The following LRRC32 variants were observed in gnomAD, a reference collection of about 807,000 sequenced individuals.
LRRC32 encodes the protein transforming growth factor beta activator LRRC32.
In LRRC32, 5 loss-of-function variants were observed where a neutral mutation model predicts 15.0. That is an observed-to-expected ratio of 0.33 (90% CI 0.17 to 0.70). The LOEUF is 0.70. Among genes scored for constraint, LRRC32 ranks in the 30% least tolerant of loss-of-function variants. The probability of loss-of-function intolerance (pLI) is 0.66; values close to 1 mark genes in which losing one functional copy is unlikely to be tolerated. For synonymous variants in LRRC32, 391 were observed against 403.9 expected (o/e 0.97, Z 0.38); for missense variants, 803 against 854.2 (o/e 0.94, Z 0.75).
chr11:76,665,043 C>T (rs980237276), intron 2 of LRRC32, among the ~76,000 whole-genome samples: 1 of 152,240 alleles, frequency 6.6e-6, no homozygotes, highest in Admixed American at 6.5e-5. Flanking sequence ...CTTTCCCCAG[C>T]CAGGCTCTGG....
Position 76,661,151 on chromosome 11 carries a change from C to A in LRRC32, c.442G>T (p.Ala148Ser). ...AGTGAGAGGGTATGCAGGCTGGGTG[C>A]CTCCCCCAGCAGCCGCTCCAGCAGG... ...SGLLERLLGE[A>S]PSLHTLSLAE... Residue 148 changes from alanine (A) to serine (S), a missense_variant, in exon 3 of 3, where the codon GCA (alanine) becomes TCA (serine). Physicochemically the swap from Ala to Ser is moderately conservative, Grantham distance 99. Transcript: ENST00000260061. 6.2e-7 allele frequency: 1 copy of A among 1,613,476 alleles called. No homozygotes were observed. The highest frequency in any genetic ancestry group is 1.1e-5 in the South Asian group (1 of 91,070).
Position 76,660,880 on chromosome 11 carries a change from T to C in LRRC32, c.713A>G (p.Gln238Arg). Reference sequence around the variant, plus strand: ...GGTGAGCTGGAACTCAGCCTGGGGCTGGGAGGCCGTCTGAAAGGCCTCGAT... The same window carrying C: ...GGTGAGCTGGAACTCAGCCTGGGGCCGGGAGGCCGTCTGAAAGGCCTCGAT... ...NSIEAFQTAS[Q>R]PQAEFQLTWL... Residue 238 changes from glutamine (Q) to arginine (R), a missense_variant, in exon 3 of 3, where the codon CAG (glutamine) becomes CGG (arginine). Coordinates refer to ENST00000260061, the MANE Select transcript of LRRC32 (RefSeq NM_001128922.2). The C allele has an allele frequency of 6.2e-7, 1 of 1,614,180 alleles. No individual in the cohort carries two copies. The highest frequency in any genetic ancestry group is 8.5e-7 in the Non-Finnish European group (1 of 1,180,024).
chr11:76,667,364 C>T (rs912303944), intron 1 of LRRC32, among the ~76,000 whole-genome samples: 2 of 152,222 alleles, frequency 1.3e-5, no homozygotes, highest in Non-Finnish European at 2.9e-5. Flanking sequence ...ACAGTGGGTG[C>T]TCCCTCAGTG....
At position 76,658,087 on chromosome 11, in the gene LRRC32, A is replaced by T. The variant is rs1952444155; in HGVS notation, c.*1517T>A. On this transcript the variant is annotated 3_prime_UTR_variant, in exon 3 of 3. Transcript: ENST00000260061. ...CTTGCATGATGAGGCACAGAAAGGA[A>T]GTTTGGAGCCAGCATTATCTTGTGA... 1 of 152,312 alleles carries T rather than the reference A, an allele frequency of 6.6e-6. No homozygotes were observed. Among genetic ancestry groups the T allele is most frequent in the African/African-American group, 2.4e-5 (1 of 41,434 alleles). The allele number at this position is 152,312 out of a possible 1,614,324, so 9.4% of individuals were successfully genotyped here.
chr11:76,667,533 C>A (rs573396938), intron 1 of LRRC32, among the ~76,000 whole-genome samples: 1 of 152,248 alleles, frequency 6.6e-6, no homozygotes, highest in South Asian at 2.1e-4. Context: ...AGACCACAGC[C>A]GGACCCGGTA....
In LRRC32 at chr11:76,657,854, A is replaced by G. The variant is rs1952440196; in HGVS notation, c.*1750T>C. ...TGTAAAATGGGGTGGAGAGAGTGGC[A>G]TTTTCACTTTCTCGCACATTACTGA... is the stretch of plus-strand genomic sequence containing the variant. On this transcript the variant is annotated 3_prime_UTR_variant, in exon 3 of 3. Coordinates refer to ENST00000260061, the MANE Select transcript of LRRC32 (RefSeq NM_001128922.2). 1 of 152,304 alleles carries G rather than the reference A, an allele frequency of 6.6e-6. No homozygotes were observed. The allele number at this position is 152,304 out of a possible 1,614,324, so 9.4% of individuals were successfully genotyped here.
At position 76,659,292 on chromosome 11, in the gene LRRC32, C is replaced by A. The variant is rs189419048; in HGVS notation, c.*312G>T. 6.9e-4 allele frequency: 215 copies of A among 310,634 alleles called. No individual in the cohort carries two copies. The highest frequency in any genetic ancestry group is 2.5e-3 in the African/African-American group (118 of 47,106). The allele number at this position is 310,634 out of a possible 1,614,324, so 19.2% of individuals were successfully genotyped here. A position where few individuals can be genotyped will look rare whatever the true frequency, so the allele number is the denominator to read the frequency against. On this transcript the variant is annotated 3_prime_UTR_variant, in exon 3 of 3. Coordinates refer to ENST00000260061, the MANE Select transcript of LRRC32 (RefSeq NM_001128922.2). ...GAGGGCGGGAATGTATCTCATTTCC[C>A]AGCATTCCCAGTGCCCAGAGCAGGG...
rs3781699 is a variant in LRRC32 at position 76,658,741 on chromosome 11, T to G, written c.*863A>C. 0.33 allele frequency: 51,140 copies of G among 152,706 alleles called. 8,697 individuals are homozygous for G. The highest frequency in any genetic ancestry group is 0.36 in the Admixed American group (5,439 of 15,288). 9.5% of individuals were successfully genotyped at this position (152,706 alleles called of 1,614,324 possible). On this transcript the variant is annotated 3_prime_UTR_variant, in exon 3 of 3. Coordinates refer to ENST00000260061, the MANE Select transcript of LRRC32 (RefSeq NM_001128922.2). ...GCTGGGTGCAAAACAGAACCAGATA[T>G]CTAAGGTTTTAGCTCCTGGCTCAGC... is the stretch of plus-strand genomic sequence containing the variant.
chr11:76,668,042 AC>A (rs1458791391), intron 1 of LRRC32, among the ~76,000 whole-genome samples: 1 of 149,214 alleles, frequency 6.7e-6, no homozygotes, highest in Non-Finnish European at 1.5e-5. Context: ...ACTGGGCCCC[AC>A]CCCCTCCCAT....
intron 1 of LRRC32, among the ~76,000 whole-genome samples, chr11:76,668,082 A>G (rs61893519): frequency 0.045 from 6,849 of 150,970 alleles, 177 homozygotes; most frequent in Non-Finnish European, 0.055. Flanking sequence ...GGGGCTCACC[A>G]TCCTTTAAGA....
chr11:76,664,347 C>T (rs1016030761), intron 2 of LRRC32, among the ~76,000 whole-genome samples: 6 of 152,250 alleles, frequency 3.9e-5, no homozygotes, highest in Non-Finnish European at 8.8e-5. Context: ...AGCTCCACTT[C>T]CAGGGTCTTC....
chr11:76,660,956 A>G lies in LRRC32; in HGVS notation c.637T>C (p.Ser213Pro). 1 of 1,614,124 alleles carries G rather than the reference A, an allele frequency of 6.2e-7. No homozygotes were observed. Among genetic ancestry groups the G allele is most frequent in the Non-Finnish European group, 8.5e-7 (1 of 1,180,010 alleles). The change falls in exon 3 of 3, where the codon TCC (serine) becomes CCC (proline). Residue 213 changes from serine (S) to proline (P), a missense_variant. Coordinates refer to ENST00000260061, the MANE Select transcript of LRRC32 (RefSeq NM_001128922.2). ...NLSRNSLTCI[S>P]DFSLQQLRVL... ...CGCAGCTGCTGGAGGCTGAAGTCGG[A>G]GATGCAGGTGAGGGAATTCCTGGAG... is the stretch of plus-strand genomic sequence containing the variant.
Position 76,661,487 on chromosome 11 carries a change from G to A in LRRC32, c.106C>T (p.Gln36Ter). 1 of 1,608,676 alleles carries A rather than the reference G, an allele frequency of 6.2e-7. No homozygotes were observed. Among genetic ancestry groups the A allele is most frequent in the African/African-American group, 1.3e-5 (1 of 74,990 alleles). Reference protein sequence around the residue: ...CKMVDKKVSCQVLGLLQVPSV... With the variant: ...CKMVDKKVSC ...GGGACCTGGAGCAGGCCCAGAACCT[G>A]GCACGAGACCTTCTTGTCCACCTGG... Residue 36 changes from glutamine to a stop codon, truncating the protein, a stop_gained, in exon 3 of 3, where the codon CAG becomes TAG. Coordinates refer to ENST00000260061, the MANE Select transcript of LRRC32 (RefSeq NM_001128922.2). LOFTEE classifies it low-confidence loss of function (END_TRUNC).
At position 76,660,230 on chromosome 11, in the gene LRRC32, T is replaced by C. The variant is rs769587279; in HGVS notation, c.1363A>G (p.Ile455Val). 3.8e-6 allele frequency: 6 copies of C among 1,575,396 alleles called. No homozygotes were observed. Among genetic ancestry groups the C allele is most frequent in the African/African-American group, 1.4e-5 (1 of 73,438 alleles). ...AAGGCCCCTGCCCTGAGCAGCTCTA[T>C]CTCATTATCCACCAGGCTCAGGCTG... ...LRSLSLVDNE[I>V]ELLRAGAFLH... The change falls in exon 3 of 3, where the codon ATA becomes GTA. Residue 455 changes from isoleucine to valine, a missense_variant. Coordinates refer to ENST00000260061, the MANE Select transcript of LRRC32 (RefSeq NM_001128922.2).
In LRRC32 at chr11:76,660,896, A is replaced by C. The variant is rs752943774; in HGVS notation, c.697T>G (p.Phe233Val). Residue 233 changes from phenylalanine (F) to valine (V), a missense_variant, in exon 3 of 3, where the codon TTT (phenylalanine) becomes GTT (valine). Physicochemically the swap from Phe to Val is conservative, Grantham distance 50 (BLOSUM62 -1). Coordinates refer to ENST00000260061, the MANE Select transcript of LRRC32 (RefSeq NM_001128922.2). ...GCCTGGGGCTGGGAGGCCGTCTGAAAGGCCTCGATGCTGTTGCAGCTCAGG... is the reference window on the plus strand; with the variant it reads ...GCCTGGGGCTGGGAGGCCGTCTGAACGGCCTCGATGCTGTTGCAGCTCAGG... ...LDLSCNSIEAFQTASQPQAEF... is the reference protein window; with the variant it reads ...LDLSCNSIEAVQTASQPQAEF... 6.2e-7 allele frequency: 1 copy of C among 1,614,194 alleles called. No homozygotes were observed. Among genetic ancestry groups the C allele is most frequent in the Non-Finnish European group, 8.5e-7 (1 of 1,180,034 alleles).
Position 76,670,644 on chromosome 11 carries a change from G to C in LRRC32, c.-35C>G, listed in dbSNP as rs919443679. On this transcript the variant is annotated 5_prime_UTR_variant, in exon 1 of 3. Transcript: ENST00000260061. ...TCAGCGCGGCCGCAGCTCCTCTCCCGGGCAGTCTCGGCACATTTTGCGCAA... is the reference window on the plus strand; with the variant it reads ...TCAGCGCGGCCGCAGCTCCTCTCCCCGGCAGTCTCGGCACATTTTGCGCAA... The C allele has an allele frequency of 2.6e-5, 4 of 152,116 alleles. No individual in the cohort carries two copies. The highest frequency in any genetic ancestry group is 6.5e-5 in the Admixed American group (1 of 15,280). 9.4% of individuals were successfully genotyped at this position (152,116 alleles called of 1,614,324 possible).
intron 2 of LRRC32, chr11:76,663,440 C>T (rs532681528): frequency 6.6e-6 from 1 of 152,304 alleles, no homozygotes; most frequent in South Asian, 2.1e-4. Flanking sequence ...GTGTGTTCCT[C>T]CCCTGGTCCA....
chr11:76,660,732 G>T lies in LRRC32; in HGVS notation c.861C>A (p.Ser287Arg), dbSNP rs1952507109. ...IRLPTGPPQD[S>R]KGIHAPSEGW... Reference sequence around the variant, plus strand: ...CCTCGGAAGGTGCGTGGATGCCCTTGCTGTCCTGGGGTGGCCCTGTGGGGA... The same window carrying T: ...CCTCGGAAGGTGCGTGGATGCCCTTTCTGTCCTGGGGTGGCCCTGTGGGGA... Residue 287 changes from serine (S) to arginine (R), a missense_variant, in exon 3 of 3, where the codon AGC becomes AGA. By Grantham distance (110) the Ser-to-Arg change is moderately radical. Transcript: ENST00000260061. 1 of 1,614,148 alleles carries T rather than the reference G, an allele frequency of 6.2e-7. No individual in the cohort carries two copies.
rs1226688320 is a variant in LRRC32 at position 76,665,770 on chromosome 11, C to T, written c.84+101G>A. On this transcript the variant is annotated intron_variant, in intron 2 of 2. Coordinates refer to ENST00000260061, the MANE Select transcript of LRRC32 (RefSeq NM_001128922.2). ...ATGCAAGGTACATTCCCTTTCCTCT[C>T]CTGACTCTTCTAACTTCTGGCTTCT... 4 of 1,557,040 alleles carry T rather than the reference C, an allele frequency of 2.6e-6. No individual in the cohort carries two copies. In the African/African-American group the frequency reaches 4.1e-5, roughly 16 times the overall value.
Sources: allele counts gnomAD v4.1 joint callset (sites outside exome capture counted in the v4.1 genomes callset), GRCh38; gene constraint gnomAD v4.1.1; transcripts MANE v1.5; gene names NCBI Gene and HGNC (gene_info 2026-07-23, HGNC 2026-07-21).